The following SLC38A4 variants were observed in gnomAD, a reference collection of about 807,000 sequenced individuals.
SLC38A4 encodes solute carrier family 38 member 4, also known as sodium-coupled neutral amino acid transporter 4.
SLC38A4 carries 20 observed loss-of-function variants against 63.1 expected under a neutral mutation model. The observed-to-expected ratio is 0.32, with a 90% confidence interval of 0.22 to 0.46. The LOEUF is 0.46. Among genes scored for constraint, SLC38A4 ranks in the 20% least tolerant of loss-of-function variants. SLC38A4 has a pLI of 1.00. For synonymous variants in SLC38A4, 230 were observed against 225.5 expected (o/e 1.02, Z -0.18); for missense variants, 526 against 663.6 (o/e 0.79, Z 2.28).
At position 46,764,834 on chromosome 12, in the gene SLC38A4, G is replaced by A. The variant is rs1013521125; in HGVS notation, c.*1867C>T. The A allele has an allele frequency of 6.6e-6, 1 of 152,392 alleles. No individual in the cohort carries two copies. The highest frequency in any genetic ancestry group is 6.6e-5 in the Admixed American group (1 of 15,260). The allele number at this position is 152,392 out of a possible 1,614,324, so 9.4% of individuals were successfully genotyped here. A position where few individuals can be genotyped will look rare whatever the true frequency, so the allele number is the denominator to read the frequency against. ...TAAAAAAGAAGCCTCCCAATACATT[G>A]AGCCATCTTATAAATGAAATAAGAA... On this transcript the variant is annotated 3_prime_UTR_variant, in exon 17 of 17. Transcript: ENST00000266579.
chr12:46,827,772 G>T (rs886753975), upstream of SLC38A4, among the ~76,000 whole-genome samples: 6 of 151,688 alleles, frequency 4.0e-5, no homozygotes, highest in African/African-American at 1.5e-4. Context: ...AAAATAATTT[G>T]GTTTTCCCTC....
chr12:46,787,998 A>C lies in SLC38A4; in HGVS notation c.244T>G (p.Phe82Val). ...PGTTSFGMSS[F>V]NLSNAIMGSG... is the part of the protein sequence containing the mutation. ...CCCATGATGGCATTACTCAGGTTAAATGAAGACATTCCAAAGGAAGTGGTT... is the reference window on the plus strand; with the variant it reads ...CCCATGATGGCATTACTCAGGTTAACTGAAGACATTCCAAAGGAAGTGGTT... Residue 82 changes from phenylalanine to valine, a missense_variant, in exon 5 of 17, where the codon TTT (phenylalanine) becomes GTT (valine). Transcript: ENST00000266579. 1 of 1,613,890 alleles carries C rather than the reference A, an allele frequency of 6.2e-7. No individual in the cohort carries two copies. Among genetic ancestry groups the C allele is most frequent in the Non-Finnish European group, 8.5e-7 (1 of 1,179,820 alleles).
rs1173615609 is a variant in SLC38A4 at position 46,784,637 on chromosome 12, A to G, written c.401-3T>C. The G allele has an allele frequency of 6.2e-7, 1 of 1,607,086 alleles. No individual in the cohort carries two copies. The highest frequency in any genetic ancestry group is 8.5e-7 in the Non-Finnish European group (1 of 1,175,480). On this transcript the variant is annotated splice_polypyrimidine_tract_variant and splice_region_variant and intron_variant, in intron 6 of 16. Transcript: ENST00000266579. Reference sequence around the variant, plus strand: ...TAATTTTTCATAAATCAAAGACCCTACAATCAAAGATAAAATAGCCTTGTT... The same window carrying G: ...TAATTTTTCATAAATCAAAGACCCTGCAATCAAAGATAAAATAGCCTTGTT...
At chr12:46,816,334 A>G (rs77284513) in intron 1 of SLC38A4, among the ~76,000 whole-genome samples, 4,513 of 151,962 alleles carry the variant, frequency 0.03, 233 homozygotes, top group African/African-American at 0.1. Flanking sequence ...AAAAAACACA[A>G]AACCATACAT....
At chr12:46,777,107 C>T in intron 12 of SLC38A4, 103 bp from the exon 13 acceptor site, 2 of 859,074 alleles carry the variant, frequency 2.3e-6, no homozygotes, top group Non-Finnish European at 3.6e-6. Flanking sequence ...TATTGCTCAT[C>T]ATGAAGACAT....
chr12:46,774,050 T>C (rs1938475052), intron 14 of SLC38A4, among the ~76,000 whole-genome samples: 1 of 152,072 alleles, frequency 6.6e-6, no homozygotes, highest in African/African-American at 2.4e-5. Flanking sequence ...AAGCTATGTG[T>C]ATGTCATCTG....
chr12:46,772,671 A>G (rs1278404731), intron 14 of SLC38A4, among the ~76,000 whole-genome samples: 1 of 152,106 alleles, frequency 6.6e-6, no homozygotes, highest in East Asian at 1.9e-4. Flanking sequence ...TTTTACTAAA[A>G]AGGAAAAAAC....
intron 2 of SLC38A4, among the ~76,000 whole-genome samples, chr12:46,803,131 G>A (rs1035288136): frequency 3.3e-5 from 5 of 152,064 alleles, no homozygotes; most frequent in Non-Finnish European, 7.4e-5. Flanking sequence ...CTGCACTGAA[G>A]TGATGTTCCT....
intron 12 of SLC38A4, among the ~76,000 whole-genome samples, chr12:46,778,004 T>C (rs995293065): frequency 6.6e-6 from 1 of 151,930 alleles, no homozygotes; most frequent in Non-Finnish European, 1.5e-5. Context: ...CAAATTTAAA[T>C]TCCCAACACC....
chr12:46,806,435 TGGTGGAGGTGGA>T (rs1418777108), intron 1 of SLC38A4, among the ~76,000 whole-genome samples: 1 of 151,530 alleles, frequency 6.6e-6, no homozygotes, highest in Non-Finnish European at 1.5e-5. Flanking sequence ...GTGGAGGTGG[TGGTGGAGGTGGA>T]GGTGGGTACA....
At chr12:46,825,314 T>G (rs1455057336) in intron 1 of SLC38A4, among the ~76,000 whole-genome samples, 1 of 31,666 alleles carries the variant, frequency 3.2e-5, no homozygotes, top group Non-Finnish European at 1.0e-4. Flanking sequence ...ATACAAAGTT[T>G]ATATATATAT....
At chr12:46,813,869 G>A (rs959830941) in intron 1 of SLC38A4, among the ~76,000 whole-genome samples, 2 of 152,040 alleles carry the variant, frequency 1.3e-5, no homozygotes, top group Admixed American at 6.6e-5. Flanking sequence ...GTAGAGCATT[G>A]AGAAGAGCAT....
chr12:46,824,043 G>A (rs1939600903), intron 1 of SLC38A4, among the ~76,000 whole-genome samples: 3 of 152,180 alleles, frequency 2.0e-5, no homozygotes, highest in Admixed American at 2.0e-4. Context: ...TTGCCCTTGG[G>A]CTAAAGATGC....
rs1039411034 is a variant in SLC38A4 at position 46,797,541 on chromosome 12, C to T, written c.-112-4358G>A. 5.3e-5 allele frequency among the ~76,000 whole-genome samples: 8 copies of T among 152,146 alleles called. No homozygotes were observed. In the East Asian group the frequency reaches 1.5e-3, roughly 29 times the overall value. ...AGATTAAATTATACCACCAGCTTTC[C>T]TGGTTCTCCAGCTTGCAGATGCTGT... On this transcript the variant is annotated intron_variant, in intron 2 of 16. Transcript: ENST00000266579.
intron 2 of SLC38A4, among the ~76,000 whole-genome samples, chr12:46,797,603 A>C (rs1000808239): frequency 6.6e-6 from 1 of 152,132 alleles, no homozygotes; most frequent in Non-Finnish European, 1.5e-5. Context: ...CATGAAAGCC[A>C]ATTCCCATTA....
chr12:46,797,853 T>C (rs1363640013), intron 2 of SLC38A4, among the ~76,000 whole-genome samples: 1 of 152,170 alleles, frequency 6.6e-6, no homozygotes, highest in African/African-American at 2.4e-5. Context: ...GGCCCTCTTC[T>C]TCCAATGTTT....
At chr12:46,807,779 G>C (rs1939262637) in intron 1 of SLC38A4, among the ~76,000 whole-genome samples, 1 of 151,772 alleles carries the variant, frequency 6.6e-6, no homozygotes, top group Admixed American at 6.6e-5. Context: ...CACTTGTAAA[G>C]TAATGAAAAC....
chr12:46,796,695 T>C (rs76943648), intron 2 of SLC38A4, among the ~76,000 whole-genome samples: 9,893 of 152,284 alleles, frequency 0.065, 372 homozygotes, highest in South Asian at 0.14. Context: ...CTTCCATTCC[T>C]GTTTGTTATA....
At chr12:46,795,759 T>C (rs747963960) in intron 2 of SLC38A4, among the ~76,000 whole-genome samples, 4 of 152,248 alleles carry the variant, frequency 2.6e-5, no homozygotes, top group Middle Eastern at 3.4e-3. Flanking sequence ...AAGAAACTTC[T>C]CTCTTCTAGC....
Sources: allele counts gnomAD v4.1 joint callset (sites outside exome capture counted in the v4.1 genomes callset), GRCh38; gene constraint gnomAD v4.1.1; transcripts MANE v1.5; gene names NCBI Gene and HGNC (gene_info 2026-07-23, HGNC 2026-07-21).